CCSER1: variants seen among roughly 807,000 people sequenced by gnomAD.
CCSER1 encodes the protein serine-rich coiled-coil domain-containing protein 1.
Under a neutral mutation model 82.0 loss-of-function variants are expected in CCSER1, and 41 were observed. That is an observed-to-expected ratio of 0.50 (90% CI 0.39 to 0.65). CCSER1 has a LOEUF of 0.65. CCSER1 is among the 30% of genes least tolerant of loss of function. The pLI, the probability that CCSER1 is intolerant of heterozygous loss-of-function variation, is 0.00. For missense variants in CCSER1, 1,119 were observed against 1,064.2 expected (o/e 1.05, Z -0.72); for synonymous variants, 414 against 383.9 (o/e 1.08, Z -0.92).
chr4:91,308,895 G>A (rs974029955), intron 10 of CCSER1, among the ~76,000 whole-genome samples: 2 of 151,840 alleles, frequency 1.3e-5, no homozygotes, highest in Admixed American at 6.6e-5. Context: ...GACTAGAAAT[G>A]AATTAAGTTT....
intron 10 of CCSER1, among the ~76,000 whole-genome samples, chr4:91,295,679 G>T (rs936473046): frequency 1.3e-5 from 2 of 151,860 alleles, no homozygotes; most frequent in African/African-American, 4.8e-5. Flanking sequence ...CATACAAAGA[G>T]AAACCTCTAG....
In CCSER1 at chr4:91,081,938, T is replaced by A. The variant is rs1262052970; in HGVS notation, c.2173-4012T>A. ...AGAATACAAACAAATGGAAGAACATTCCATGCTCATGGGTAGGAAGAATCA... is the reference window on the plus strand; with the variant it reads ...AGAATACAAACAAATGGAAGAACATACCATGCTCATGGGTAGGAAGAATCA... On this transcript the variant is annotated intron_variant, in intron 9 of 10. Coordinates refer to ENST00000509176, the MANE Select transcript of CCSER1 (RefSeq NM_001145065.2). 5.3e-5 allele frequency among the ~76,000 whole-genome samples: 8 copies of A among 152,250 alleles called. No homozygotes were observed. The East Asian group carries it at 1.4e-3, about 26-fold the overall frequency.
At chr4:91,233,127 A>C in intron 10 of CCSER1, among the ~76,000 whole-genome samples, 1 of 151,932 alleles carries the variant, frequency 6.6e-6, no homozygotes, top group East Asian at 1.9e-4. Context: ...AAAGAGAGAA[A>C]GAGAGGAAGG....
At chr4:90,234,743 T>C (rs1261510356) in intron 1 of CCSER1, among the ~76,000 whole-genome samples, 1 of 152,206 alleles carries the variant, frequency 6.6e-6, no homozygotes, top group East Asian at 1.9e-4. Flanking sequence ...GGGACTGTTA[T>C]TATTTCCATC....
intron 4 of CCSER1, among the ~76,000 whole-genome samples, chr4:90,407,458 A>T (rs1404337961): frequency 6.6e-6 from 1 of 151,914 alleles, no homozygotes; most frequent in Admixed American, 6.5e-5. Flanking sequence ...TGTTGACACT[A>T]TTCTGAAAGA....
At chr4:90,370,412 G>T (rs1446843813) in intron 3 of CCSER1, 1 of 152,010 alleles carries the variant, frequency 6.6e-6, no homozygotes, top group African/African-American at 2.4e-5. Context: ...ATAAATGGTA[G>T]GTTGGATTTT....
At chr4:91,340,306 A>C (rs1042382821) in intron 10 of CCSER1, among the ~76,000 whole-genome samples, 2 of 152,322 alleles carry the variant, frequency 1.3e-5, no homozygotes, top group East Asian at 1.9e-4. Flanking sequence ...ACTACAGATA[A>C]GGAAGAATTA....
intron 10 of CCSER1, among the ~76,000 whole-genome samples, chr4:91,546,444 A>G (rs1761893226): frequency 6.6e-6 from 1 of 151,874 alleles, no homozygotes; most frequent in African/African-American, 2.4e-5. Context: ...GCCTTTTCAG[A>G]TTATCTATTT....
intron 1 of CCSER1, among the ~76,000 whole-genome samples, chr4:90,189,078 A>C (rs1400031718): frequency 2.0e-5 from 3 of 151,996 alleles, no homozygotes; most frequent in African/African-American, 7.2e-5. Flanking sequence ...CAGGGTTGCA[A>C]AAATTAAGGT....
chr4:90,270,344 G>A (rs1726031801), intron 1 of CCSER1, among the ~76,000 whole-genome samples: 1 of 152,078 alleles, frequency 6.6e-6, no homozygotes, highest in Admixed American at 6.6e-5. Context: ...TTCCAGGGAT[G>A]CAAGGATGAT....
chr4:91,307,763 A>G (rs1745173023), intron 10 of CCSER1, among the ~76,000 whole-genome samples: 2 of 152,006 alleles, frequency 1.3e-5, no homozygotes, highest in Non-Finnish European at 2.9e-5. Flanking sequence ...TTCTTTTGGT[A>G]CAATATCATT....
chr4:90,943,671 T>C (rs1423297088), intron 9 of CCSER1, among the ~76,000 whole-genome samples: 1 of 145,612 alleles, frequency 6.9e-6, no homozygotes, highest in African/African-American at 2.5e-5. Flanking sequence ...CAAGCAATCC[T>C]CCTGCCTCAG....
At chr4:90,188,559 T>C (rs1735043988) in intron 1 of CCSER1, among the ~76,000 whole-genome samples, 1 of 151,930 alleles carries the variant, frequency 6.6e-6, no homozygotes, top group South Asian at 2.1e-4. Context: ...TCTTACATAC[T>C]AAGTTTTACA....
intron 1 of CCSER1, among the ~76,000 whole-genome samples, chr4:90,137,315 A>G (rs1723872592): frequency 6.6e-6 from 1 of 152,222 alleles, no homozygotes; most frequent in African/African-American, 2.4e-5. Context: ...ACTTCAAAGT[A>G]TAAATATAGG....
chr4:90,468,890 A>G (rs1763978987), intron 5 of CCSER1, among the ~76,000 whole-genome samples: 1 of 152,158 alleles, frequency 6.6e-6, no homozygotes. Context: ...TATAAATGAT[A>G]AACTTGTACT....
At chr4:91,329,338 C>A (rs1746786029) in intron 10 of CCSER1, among the ~76,000 whole-genome samples, 1 of 152,104 alleles carries the variant, frequency 6.6e-6, no homozygotes, top group East Asian at 1.9e-4. Context: ...TGTTAATTTT[C>A]TTTTACAATT....
chr4:90,230,018 A>G (rs1326256687), intron 1 of CCSER1, among the ~76,000 whole-genome samples: 1 of 152,200 alleles, frequency 6.6e-6, no homozygotes, highest in Non-Finnish European at 1.5e-5. Context: ...ACACAATAAT[A>G]ATGGGAGACT....
chr4:91,113,850 A>ATTTTTTTTTTTT (rs34946872), intron 10 of CCSER1, among the ~76,000 whole-genome samples: 1 of 146,070 alleles, frequency 6.8e-6, no homozygotes, highest in African/African-American at 2.5e-5. Flanking sequence ...TGATATCTAC[A>ATTTTTTTTTTTT]TTTTTTTTTT....
intron 10 of CCSER1, among the ~76,000 whole-genome samples, chr4:91,298,198 G>GC (rs1211295509): frequency 6.6e-6 from 1 of 151,972 alleles, no homozygotes; most frequent in Admixed American, 6.6e-5. Context: ...AGATTTCCGT[G>GC]CAAGTATTAG....
Sources: allele counts gnomAD v4.1 joint callset (sites outside exome capture counted in the v4.1 genomes callset), GRCh38; gene constraint gnomAD v4.1.1; transcripts MANE v1.5; gene names NCBI Gene and HGNC (gene_info 2026-07-23, HGNC 2026-07-21).